Variants in FRMD4A observed in about 807,000 individuals in gnomAD.
The protein encoded by FRMD4A is FERM domain-containing protein 4A.
In FRMD4A, 29 loss-of-function variants were observed where a neutral mutation model predicts 129.1. The ratio of observed to expected loss-of-function variants is 0.22; its 90% CI spans 0.17 to 0.31. The LOEUF (loss-of-function observed/expected upper bound fraction) is 0.31, where lower values mean the gene tolerates loss of function less well. Among genes scored for constraint, FRMD4A ranks in the 10% least tolerant of loss-of-function variants. FRMD4A has a pLI of 1.00. For missense variants in FRMD4A, 1,272 were observed against 1,375.8 expected (o/e 0.92, Z 1.19); for synonymous variants, 634 against 571.6 (o/e 1.11, Z -1.56).
intron 17 of FRMD4A, among the ~76,000 whole-genome samples, chr10:13,666,906 CTTTTCTTT>C (rs1400188888): frequency 3.9e-5 from 5 of 129,502 alleles, no homozygotes; most frequent in African/African-American, 6.5e-5. Context: ...CTTTTCTTTT[CTTTTCTTT>C]TTTTTTTTTT....
intron 12 of FRMD4A, chr10:13,707,861 G>A: frequency 1.0e-6 from 1 of 985,242 alleles, no homozygotes; most frequent in Non-Finnish European, 1.2e-6. Flanking sequence ...GGCCCTGGCG[G>A]TCATTCCTCC....
chr10:14,322,291 G>A (rs1843090748), intron 2 of FRMD4A, among the ~76,000 whole-genome samples: 1 of 152,042 alleles, frequency 6.6e-6, no homozygotes, highest in South Asian at 2.1e-4. Flanking sequence ...CAGAAAGCAA[G>A]GACTCCAAGG....
At chr10:13,654,536 G>A (rs2081973417) in intron 22 of FRMD4A, 24 bp from the exon 23 acceptor site, 6 of 1,480,240 alleles carry the variant, frequency 4.1e-6, no homozygotes, top group African/African-American at 1.4e-5. Context: ...GTGCAAGAAA[G>A]GCAGAGAGCA....
intron 2 of FRMD4A, among the ~76,000 whole-genome samples, chr10:14,177,031 G>T (rs1286535033): frequency 6.6e-6 from 1 of 152,114 alleles, no homozygotes; most frequent in Non-Finnish European, 1.5e-5. Flanking sequence ...AGAATAAGCT[G>T]CATCCATTAT....
chr10:14,174,866 AGTGTGTGTGTGTCTG>A lies in FRMD4A; in HGVS notation c.45+155177_45+155191del, dbSNP rs1421699313. Among the ~76,000 whole-genome samples the A allele has an allele frequency of 3.9e-4, 55 of 139,626 alleles. No homozygotes were observed. In the East Asian group the frequency reaches 0.01, roughly 26 times the overall value. The allele number at this position is 139,626 out of a possible 152,430, so 91.6% of individuals were successfully genotyped here. On this transcript the variant is annotated intron_variant, in intron 2 of 24. Coordinates refer to ENST00000357447, the MANE Select transcript of FRMD4A (RefSeq NM_018027.5). Reference sequence around the variant, plus strand: ...TGAATAGTTGAGTATTAAAAAAAAAAGTGTGTGTGTGTCTGTGTGTGTGTGTGTGTGTGTGTGTGT... The same window carrying A: ...TGAATAGTTGAGTATTAAAAAAAAAATGTGTGTGTGTGTGTGTGTGTGTGT...
rs370545818 is a variant in FRMD4A at position 13,928,758 on chromosome 10, C to T, written c.46-69846G>A. Reference sequence around the variant, plus strand: ...CATGCCCCATCCCTTTTCCCTCTGCCCCAGTGCTAGGGGCTGGCTGGGCCA... The same window carrying T: ...CATGCCCCATCCCTTTTCCCTCTGCTCCAGTGCTAGGGGCTGGCTGGGCCA... On this transcript the variant is annotated intron_variant, in intron 2 of 24. Transcript: ENST00000357447. 9.2e-5 allele frequency among the ~76,000 whole-genome samples: 14 copies of T among 152,252 alleles called. No homozygotes were observed. The South Asian group carries it at 2.9e-3, about 32-fold the overall frequency.
At chr10:14,192,902 T>A (rs1842360364) in intron 2 of FRMD4A, among the ~76,000 whole-genome samples, 1 of 152,260 alleles carries the variant, frequency 6.6e-6, no homozygotes, top group Non-Finnish European at 1.5e-5. Context: ...TAGGGTGCAG[T>A]TGTCACTGCT....
At position 14,042,924 on chromosome 10, in the gene FRMD4A, C is replaced by CAAA. The variant is rs57492155; in HGVS notation, c.46-184015_46-184013dup. On this transcript the variant is annotated intron_variant, in intron 2 of 24. Transcript: ENST00000357447. ...TGGGTGATAGAGCAAGACTCCATCT[C>CAAA]AAAAAAAAAAAAAAAAAAAAAAAAA... Among the ~76,000 whole-genome samples, 136 of 62,824 alleles carry CAAA rather than the reference C, an allele frequency of 2.2e-3. 2 individuals carry two copies. The highest frequency in any genetic ancestry group is 5.7e-3 in the African/African-American group (104 of 18,174). 41.2% of individuals were successfully genotyped at this position (62,824 alleles called of 152,430 possible).
At chr10:13,763,636 C>A (rs2092162194) in intron 6 of FRMD4A, among the ~76,000 whole-genome samples, 1 of 152,156 alleles carries the variant, frequency 6.6e-6, no homozygotes, top group African/African-American at 2.4e-5. Context: ...AGCACTTAAA[C>A]CTCTCCTTGG....
chr10:13,913,674 T>C (rs2094967842), intron 2 of FRMD4A, among the ~76,000 whole-genome samples: 1 of 152,016 alleles, frequency 6.6e-6, no homozygotes, highest in Non-Finnish European at 1.5e-5. Context: ...GTAGATGGGG[T>C]ATCCTTAGTA....
intron 2 of FRMD4A, among the ~76,000 whole-genome samples, chr10:14,225,285 C>G (rs997685066): frequency 1.3e-5 from 2 of 152,122 alleles, no homozygotes; most frequent in Admixed American, 6.5e-5. Flanking sequence ...TCAATCCCAA[C>G]CCCGTAGCCA....
At chr10:14,096,613 A>T (rs1026581) in intron 2 of FRMD4A, among the ~76,000 whole-genome samples, 73,458 of 151,688 alleles carry the variant, frequency 0.48, 17,776 homozygotes, top group East Asian at 0.59. Context: ...CAAAACATAA[A>T]TCACCTAAAG....
chr10:13,656,111 G>A (rs2082119951), intron 22 of FRMD4A, among the ~76,000 whole-genome samples: 1 of 151,660 alleles, frequency 6.6e-6, no homozygotes, highest in African/African-American at 2.4e-5. Context: ...GGGAAAGCCA[G>A]GAGCAGCCAG....
intron 14 of FRMD4A, among the ~76,000 whole-genome samples, chr10:13,700,779 G>A (rs1332967965): frequency 2.2e-5 from 3 of 138,822 alleles, no homozygotes; most frequent in East Asian, 4.7e-4. Context: ...GTTTACCAAG[G>A]CCCCAGGCTC....
Position 14,127,944 on chromosome 10 carries a change from T to TTCTTTCTTTCTTTCTTTCTTTCTTTCTC in FRMD4A, c.45+202113_45+202114insGAGAAAGAAAGAAAGAAAGAAAGAAAGA, listed in dbSNP as rs1564319046. Reference sequence around the variant, plus strand: ...TTTCTTTCTTTCTTTCTTTCTTTCTTTCTTTCTTTCTTTCTTTCTTTCTTT... The same window carrying TTCTTTCTTTCTTTCTTTCTTTCTTTCTC: ...TTTCTTTCTTTCTTTCTTTCTTTCTTTCTTTCTTTCTTTCTTTCTTTCTTTCTCTCTTTCTTTCTTTCTTTCTTTCTTT... On this transcript the variant is annotated intron_variant, in intron 2 of 24. Coordinates refer to ENST00000357447, the MANE Select transcript of FRMD4A (RefSeq NM_018027.5). Among the ~76,000 whole-genome samples the TTCTTTCTTTCTTTCTTTCTTTCTTTCTC allele has an allele frequency of 7.2e-4, 11 of 15,278 alleles. 1 individual carries two copies. The highest frequency in any genetic ancestry group is 4.3e-3 in the African/African-American group (10 of 2,334). 10.0% of individuals were successfully genotyped at this position (15,278 alleles called of 152,430 possible).
At chr10:13,734,838 T>C (rs527385871) in intron 12 of FRMD4A, among the ~76,000 whole-genome samples, 1 of 141,780 alleles carries the variant, frequency 7.1e-6, no homozygotes, top group African/African-American at 2.6e-5. Flanking sequence ...CTTCTTCTTT[T>C]TCTATTTATT....
chr10:14,104,356 C>T (rs1229059464), intron 2 of FRMD4A, among the ~76,000 whole-genome samples: 1 of 152,262 alleles, frequency 6.6e-6, no homozygotes, highest in African/African-American at 2.4e-5. Flanking sequence ...GAGGTCTACA[C>T]TGTGGTGCTC....
At chr10:13,788,909 G>A (rs1287735386) in intron 5 of FRMD4A, among the ~76,000 whole-genome samples, 2 of 152,224 alleles carry the variant, frequency 1.3e-5, no homozygotes, top group African/African-American at 4.8e-5. Context: ...CCAGCCAGAT[G>A]ACATCAGCCA....
At chr10:14,027,716 A>C (rs1833048197) in intron 2 of FRMD4A, among the ~76,000 whole-genome samples, 1 of 152,230 alleles carries the variant, frequency 6.6e-6, no homozygotes, top group South Asian at 2.1e-4. Flanking sequence ...GAAATTGTAC[A>C]TGATTTGGGC....
Sources: gnomAD v4.1 joint callset for allele counts (sites outside exome capture counted in the v4.1 genomes callset) on GRCh38, gnomAD v4.1.1 for gene constraint, MANE v1.5 for transcripts, NCBI Gene and HGNC (gene_info 2026-07-23, HGNC 2026-07-21) for gene names.